Variants in SYNDIG1 observed in about 807,000 individuals in gnomAD.
SYNDIG1 encodes synapse differentiation inducing 1.
Under a neutral mutation model 19.4 loss-of-function variants are expected in SYNDIG1, and 9 were observed. The ratio of observed to expected loss-of-function variants is 0.46; its 90% confidence interval spans 0.28 to 0.81. The LOEUF (loss-of-function observed/expected upper bound fraction) is 0.81. SYNDIG1 is among the 30% of genes least tolerant of loss of function. The pLI, the probability that SYNDIG1 is intolerant of heterozygous loss-of-function variation, is 0.12. For missense variants in SYNDIG1, 311 were observed against 343.3 expected (o/e 0.91, Z 0.74); for synonymous variants, 141 against 145.9 (o/e 0.97, Z 0.24).
intron 3 of SYNDIG1, among the ~76,000 whole-genome samples, chr20:24,645,166 C>T (rs1041943734): frequency 2.6e-5 from 4 of 152,174 alleles, no homozygotes; most frequent in Admixed American, 6.5e-5. Context: ...AATGATGTGG[C>T]GGTGCACTGC....
At chr20:24,613,863 C>G (rs1405593991) in intron 3 of SYNDIG1, among the ~76,000 whole-genome samples, 1 of 152,194 alleles carries the variant, frequency 6.6e-6, no homozygotes, top group Non-Finnish European at 1.5e-5. Context: ...GGATGGTAAT[C>G]TAGGGCTTTG....
intron 2 of SYNDIG1, among the ~76,000 whole-genome samples, chr20:24,547,130 C>A (rs2057594212): frequency 6.6e-6 from 1 of 151,952 alleles, no homozygotes; most frequent in Non-Finnish European, 1.5e-5. Flanking sequence ...CAGAGCAGGG[C>A]CCCCTCATTG....
rs139398309 is a variant in SYNDIG1 at position 24,530,972 on chromosome 20, C to A, written c.-78-12048C>A. On this transcript the variant is annotated intron_variant, in intron 1 of 3. Transcript: ENST00000376862. ...TACAGGCGCATGCCACCAAGCCCAG[C>A]TAATTTTTTTGTATTTTAGTAGAGA... Among the ~76,000 whole-genome samples, 945 of 152,096 alleles carry A rather than the reference C, an allele frequency of 6.2e-3. 12 individuals carry two copies. Among genetic ancestry groups the A allele is most frequent in the African/African-American group, 0.022 (910 of 41,502 alleles).
chr20:24,638,744 T>C (rs759301049), intron 3 of SYNDIG1, among the ~76,000 whole-genome samples: 22 of 152,324 alleles, frequency 1.4e-4, no homozygotes, highest in Non-Finnish European at 2.8e-4. Flanking sequence ...GGAATGGCCA[T>C]TGTCAAGATA....
intron 2 of SYNDIG1, among the ~76,000 whole-genome samples, chr20:24,565,769 C>T (rs1311088895): frequency 6.6e-6 from 1 of 152,196 alleles, no homozygotes; most frequent in East Asian, 1.9e-4. Context: ...CCCCGCTTCA[C>T]AGCCCTGAGT....
intron 2 of SYNDIG1, among the ~76,000 whole-genome samples, chr20:24,562,403 T>C (rs2057963808): frequency 6.6e-6 from 1 of 152,260 alleles, no homozygotes; most frequent in South Asian, 2.1e-4. Context: ...GGAATAGTAG[T>C]ATGGCATCTA....
At chr20:24,506,687 G>A (rs2056599223) in intron 1 of SYNDIG1, among the ~76,000 whole-genome samples, 1 of 152,208 alleles carries the variant, frequency 6.6e-6, no homozygotes, top group African/African-American at 2.4e-5. Context: ...AAGCTCCCAT[G>A]GGTTCCCTCT....
chr20:24,501,630 G>A (rs986844474), intron 1 of SYNDIG1, among the ~76,000 whole-genome samples: 3 of 152,260 alleles, frequency 2.0e-5, no homozygotes, highest in Middle Eastern at 6.8e-3. Flanking sequence ...TTGCCTCTCT[G>A]TACCTCTGTT....
At chr20:24,473,813 G>A (rs1412657036) in intron 1 of SYNDIG1, among the ~76,000 whole-genome samples, 1 of 152,174 alleles carries the variant, frequency 6.6e-6, no homozygotes, top group Non-Finnish European at 1.5e-5. Context: ...TCAATCCAGT[G>A]TCTTTTTCAT....
At chr20:24,633,021 A>G (rs2059267739) in intron 3 of SYNDIG1, among the ~76,000 whole-genome samples, 1 of 149,144 alleles carries the variant, frequency 6.7e-6, no homozygotes, top group African/African-American at 2.5e-5. Context: ...AACCTTTCCC[A>G]TAGTTTCCAG....
intron 3 of SYNDIG1, among the ~76,000 whole-genome samples, chr20:24,630,449 C>T (rs1038674747): frequency 1.3e-5 from 2 of 152,192 alleles, no homozygotes; most frequent in Admixed American, 6.5e-5. Flanking sequence ...TCAGAAATGT[C>T]CACAAAGAGA....
chr20:24,629,272 C>T lies in SYNDIG1; in HGVS notation c.619-36074C>T, dbSNP rs73345386. Among the ~76,000 whole-genome samples the T allele has an allele frequency of 1.0e-2, 1,519 of 152,256 alleles. 27 individuals are homozygous for T. The highest frequency in any genetic ancestry group is 0.032 in the African/African-American group (1,333 of 41,538). ...CTGAAGTGGCCTCCCAACAGTGAGG[C>T]GAGTGTGCCTCTGGGGTTCTCAGAT... On this transcript the variant is annotated intron_variant, in intron 3 of 3. Transcript: ENST00000376862.
intron 2 of SYNDIG1, among the ~76,000 whole-genome samples, chr20:24,551,268 G>A (rs2057701707): frequency 6.6e-6 from 1 of 152,134 alleles, no homozygotes; most frequent in Admixed American, 6.5e-5. Context: ...CACCTAATTT[G>A]TTGGCATGAA....
chr20:24,627,974 T>G (rs565489004), intron 3 of SYNDIG1, among the ~76,000 whole-genome samples: 1 of 152,222 alleles, frequency 6.6e-6, no homozygotes, highest in Non-Finnish European at 1.5e-5. Flanking sequence ...TCTTTAAATC[T>G]TTTATTCATG....
In SYNDIG1 at chr20:24,528,848, C is replaced by G. The variant is rs2057181105; in HGVS notation, c.-78-14172C>G. Among the ~76,000 whole-genome samples, 3 of 152,148 alleles carry G rather than the reference C, an allele frequency of 2.0e-5. No individual in the cohort carries two copies. In the South Asian group the frequency reaches 6.2e-4, roughly 32 times the overall value. ...TAGTCCTGTCTTTAACATACATTAT[C>G]CTAGAGGACATTTGCATTTGCTTCT... is the stretch of plus-strand genomic sequence containing the variant. On this transcript the variant is annotated intron_variant, in intron 1 of 3. Transcript: ENST00000376862.
At chr20:24,626,251 C>G (rs1300525202) in intron 3 of SYNDIG1, among the ~76,000 whole-genome samples, 3 of 150,752 alleles carry the variant, frequency 2.0e-5, no homozygotes, top group Admixed American at 2.0e-4. Context: ...GGGTGGCTGC[C>G]GGGCGGAGAT....
intron 2 of SYNDIG1, among the ~76,000 whole-genome samples, chr20:24,564,367 C>T (rs369832050): frequency 3.9e-5 from 6 of 152,310 alleles, no homozygotes; most frequent in African/African-American, 1.4e-4. Context: ...CAACCAATAT[C>T]TTTCTTCCTT....
chr20:24,575,873 C>A (rs997875974), intron 2 of SYNDIG1, among the ~76,000 whole-genome samples: 1 of 152,188 alleles, frequency 6.6e-6, no homozygotes, highest in Non-Finnish European at 1.5e-5. Context: ...GAAGCCAATA[C>A]ACAAAACAGG....
At chr20:24,640,301 A>G (rs1236459517) in intron 3 of SYNDIG1, among the ~76,000 whole-genome samples, 1 of 151,702 alleles carries the variant, frequency 6.6e-6, no homozygotes, top group East Asian at 1.9e-4. Flanking sequence ...AGCCTGGGTG[A>G]CAGTGAGAAA....
Sources: gnomAD v4.1 joint callset for allele counts (sites outside exome capture counted in the v4.1 genomes callset) on GRCh38, gnomAD v4.1.1 for gene constraint, MANE v1.5 for transcripts, NCBI Gene and HGNC (gene_info 2026-07-23, HGNC 2026-07-21) for gene names.